ELOVL7: variants seen among roughly 807,000 people sequenced by gnomAD.
ELOVL7 encodes very long chain fatty acid elongase 7.
Under a neutral mutation model 35.7 loss-of-function variants are expected in ELOVL7, and 27 were observed. The observed-to-expected ratio is 0.76, with a 90% CI of 0.56 to 1.04. The LOEUF is 1.04. Ranked by LOEUF, ELOVL7 falls within the 50% of genes least tolerant of loss-of-function variation. The pLI is 0.00. For synonymous variants in ELOVL7, 113 were observed against 114.6 expected (o/e 0.99, Z 0.09); for missense variants, 327 against 340.8 (o/e 0.96, Z 0.32).
intron 1 of ELOVL7, among the ~76,000 whole-genome samples, chr5:60,838,959 G>T (rs1746991548): frequency 6.6e-6 from 1 of 151,468 alleles, no homozygotes; most frequent in African/African-American, 2.4e-5. Flanking sequence ...GGAGGCAGAG[G>T]TTGCAGTGAG....
At chr5:60,804,744 A>G (rs1187323255) in intron 1 of ELOVL7, among the ~76,000 whole-genome samples, 1 of 152,246 alleles carries the variant, frequency 6.6e-6, no homozygotes, top group Non-Finnish European at 1.5e-5. Context: ...AATAAGGGAA[A>G]GCAAGAGGGA....
At chr5:60,786,938 G>A (rs111988848) in intron 3 of ELOVL7, among the ~76,000 whole-genome samples, 6 of 150,892 alleles carry the variant, frequency 4.0e-5, no homozygotes, top group Admixed American at 6.6e-5. Flanking sequence ...CAGCTTGGGC[G>A]ACAGAGTGAG....
At chr5:60,839,323 G>C (rs905588769) in intron 1 of ELOVL7, among the ~76,000 whole-genome samples, 1 of 152,070 alleles carries the variant, frequency 6.6e-6, no homozygotes, top group African/African-American at 2.4e-5. Context: ...TTGGTCGACA[G>C]AGCAAGATTC....
At chr5:60,784,150 A>C (rs1364393418) in intron 3 of ELOVL7, 2 of 1,522,054 alleles carry the variant, frequency 1.3e-6, no homozygotes, top group Non-Finnish European at 1.8e-6. Flanking sequence ...TCTCTTCTTA[A>C]GTAGCAGGTA....
chr5:60,841,023 CTTTTT>C (rs59046428), intron 1 of ELOVL7, among the ~76,000 whole-genome samples: 1 of 125,364 alleles, frequency 8.0e-6, no homozygotes, highest in African/African-American at 3.1e-5. Context: ...AATTACTTTC[CTTTTT>C]TTTTTTTTTT....
At chr5:60,816,380 C>CA (rs5868256) in intron 1 of ELOVL7, among the ~76,000 whole-genome samples, 2,763 of 140,428 alleles carry the variant, frequency 0.02, 40 homozygotes, top group African/African-American at 0.024. Context: ...GACTCCATCT[C>CA]AAAAAAAAAA....
chr5:60,828,650 T>C (rs1353891309), intron 1 of ELOVL7, among the ~76,000 whole-genome samples: 1 of 152,178 alleles, frequency 6.6e-6, no homozygotes, highest in East Asian at 1.9e-4. Context: ...CACTGCATTT[T>C]GAATTTAAAC....
intron 1 of ELOVL7, among the ~76,000 whole-genome samples, chr5:60,815,415 T>G (rs1745460463): frequency 6.6e-6 from 1 of 152,202 alleles, no homozygotes; most frequent in Non-Finnish European, 1.5e-5. Flanking sequence ...TTCATTTTCC[T>G]TTAGCATCAC....
chr5:60,755,387 G>A (rs371522054), intron 8 of ELOVL7, among the ~76,000 whole-genome samples: 1 of 152,154 alleles, frequency 6.6e-6, no homozygotes, highest in Non-Finnish European at 1.5e-5. Context: ...GGCCAGACAC[G>A]GTGGCTCACG....
chr5:60,810,756 G>C (rs1263337286), intron 1 of ELOVL7, among the ~76,000 whole-genome samples: 1 of 152,110 alleles, frequency 6.6e-6, no homozygotes, highest in African/African-American at 2.4e-5. Flanking sequence ...TTTCATTTGT[G>C]GATATGTTTT....
intron 2 of ELOVL7, among the ~76,000 whole-genome samples, chr5:60,793,033 G>T (rs1744034407): frequency 6.6e-6 from 1 of 152,172 alleles, no homozygotes; most frequent in African/African-American, 2.4e-5. Context: ...GCAGAGAGCT[G>T]GAGCAGGGAG....
At chr5:60,833,435 G>A (rs1579941160) in intron 1 of ELOVL7, among the ~76,000 whole-genome samples, 1 of 152,108 alleles carries the variant, frequency 6.6e-6, no homozygotes, top group South Asian at 2.1e-4. Flanking sequence ...GGGACTGAGC[G>A]CCAGGTGCCC....
At chr5:60,807,710 TA>T (rs1232697594) in intron 1 of ELOVL7, among the ~76,000 whole-genome samples, 1 of 151,822 alleles carries the variant, frequency 6.6e-6, no homozygotes, top group Non-Finnish European at 1.5e-5. Flanking sequence ...GATAAAAGAA[TA>T]AAATGGGGCC....
At chr5:60,819,601 G>A (rs6860439) in intron 1 of ELOVL7, among the ~76,000 whole-genome samples, 2,971 of 152,202 alleles carry the variant, frequency 0.02, 118 homozygotes, top group African/African-American at 0.068. Flanking sequence ...GGCCAACATG[G>A]TGAAACCCCG....
At chr5:60,835,809 CT>C (rs1746763998) in intron 1 of ELOVL7, among the ~76,000 whole-genome samples, 1 of 151,968 alleles carries the variant, frequency 6.6e-6, no homozygotes, top group Non-Finnish European at 1.5e-5. Context: ...TAACAATATT[CT>C]TTTTTTGCAC....
intron 1 of ELOVL7, among the ~76,000 whole-genome samples, chr5:60,823,812 A>C (rs1746019236): frequency 6.6e-6 from 1 of 152,220 alleles, no homozygotes; most frequent in Non-Finnish European, 1.5e-5. Flanking sequence ...TTTCAGATTT[A>C]ACTGGTCTCT....
At chr5:60,786,264 CT>C (rs1015941160) in intron 3 of ELOVL7, among the ~76,000 whole-genome samples, 1 of 151,868 alleles carries the variant, frequency 6.6e-6, no homozygotes, top group Non-Finnish European at 1.5e-5. Context: ...TGCTCTGATT[CT>C]TTTTTTTGAA....
intron 1 of ELOVL7, among the ~76,000 whole-genome samples, chr5:60,824,055 G>A (rs975389691): frequency 2.0e-5 from 3 of 152,090 alleles, no homozygotes; most frequent in Admixed American, 2.0e-4. Context: ...GCTTTACCAG[G>A]TAAATATGGA....
intron 2 of ELOVL7, among the ~76,000 whole-genome samples, chr5:60,798,717 A>G (rs375543727): frequency 1.6e-4 from 25 of 152,338 alleles, no homozygotes; most frequent in African/African-American, 5.8e-4. Flanking sequence ...TGCAAAGATT[A>G]ATAGATCTGA....
Sources: allele counts gnomAD v4.1 joint callset (sites outside exome capture counted in the v4.1 genomes callset), GRCh38; gene constraint gnomAD v4.1.1; transcripts MANE v1.5; gene names NCBI Gene and HGNC (gene_info 2026-07-23, HGNC 2026-07-21).